NBEAL2: variants seen among roughly 807,000 people sequenced by gnomAD.
The protein encoded by NBEAL2 is neurobeachin like 2, also known as neurobeachin-like protein 2.
Under a neutral mutation model 299.8 loss-of-function variants are expected in NBEAL2, and 160 were observed. The observed-to-expected ratio is 0.53, with a 90% confidence interval of 0.47 to 0.61. The LOEUF is 0.61. Ranked by LOEUF, NBEAL2 falls within the 20% of genes least tolerant of loss-of-function variation. NBEAL2 has a pLI of 0.00. For missense variants in NBEAL2, 3,112 were observed against 3,649.0 expected, an observed-to-expected ratio of 0.85 and a Z score of 3.79; for synonymous variants, 1,493 against 1,542.3, an observed-to-expected ratio of 0.97 and a Z score of 0.75.
At position 46,998,504 on chromosome 3, in the gene NBEAL2, C is replaced by G. The variant is rs1559601815; in HGVS notation, c.3160C>G (p.Gln1054Glu). The change falls in exon 22 of 54, where the codon CAG becomes GAG. Residue 1054 changes from glutamine to glutamate, a missense_variant. Around this residue, in one of 3 missense-constraint regions of NBEAL2, gnomAD observed 2,243 missense variants for 2,538.1 expected, o/e 0.88. Coordinates refer to ENST00000450053, the MANE Select transcript of NBEAL2 (RefSeq NM_015175.3). ...GTCCAGCATAGTTCGGGAGCACAGACAGAAGCTGCGGAAGAAGTACGGCGT... is the reference window on the plus strand; with the variant it reads ...GTCCAGCATAGTTCGGGAGCACAGAGAGAAGCTGCGGAAGAAGTACGGCGT... ...YMSSIVREHR[Q>E]KLRKKYGVQF... is the part of the protein sequence containing the mutation. 4 of 1,613,362 alleles carry G rather than the reference C, an allele frequency of 2.5e-6. No individual in the cohort carries two copies. The highest frequency in any genetic ancestry group is 3.4e-6 in the Non-Finnish European group (4 of 1,179,788).
intron 40 of NBEAL2, 58 bp downstream of exon 40, chr3:47,005,379 C>A: frequency 6.3e-7 from 1 of 1,578,802 alleles, no homozygotes. Context: ...GAGGCTGGTC[C>A]TCCCCACATC....
At chr3:46,992,758 G>T (rs990429134) in intron 10 of NBEAL2, among the ~76,000 whole-genome samples, 3 of 152,210 alleles carry the variant, frequency 2.0e-5, no homozygotes, top group African/African-American at 7.2e-5. Context: ...CCCCTGCCTG[G>T]TGTTTGATTG....
rs1335032805 is a variant in NBEAL2 at position 47,009,019 on chromosome 3, G to A, written c.8058G>A (p.Met2686Ile). The change falls in exon 53 of 54, where the codon ATG (methionine) becomes ATA (isoleucine). Residue 2686 changes from methionine (M) to isoleucine (I), a missense_variant. Coordinates refer to ENST00000450053, the MANE Select transcript of NBEAL2 (RefSeq NM_015175.3). Reference protein sequence around the residue: ...TLLPAAPPLPMKVAIRSVAVT... With the variant: ...TLLPAAPPLPIKVAIRSVAVT... ...TCCCGGCCGCGCCTCCCTTGCCCAT[G>A]AAGGTGGCCATCCGCAGCGTGGCCG... 1 of 1,600,618 alleles carries A rather than the reference G, an allele frequency of 6.2e-7. No individual in the cohort carries two copies. The highest frequency in any genetic ancestry group is 8.5e-7 in the Non-Finnish European group (1 of 1,179,820).
chr3:46,988,125 A>T lies in NBEAL2; in HGVS notation c.52-544A>T. On this transcript the variant is annotated intron_variant, in intron 1 of 53. Transcript: ENST00000450053. This position sits in a 1 kb window ranked among gnomAD's most constrained non-coding sequence, Gnocchi z 4.4. ...GGTTCCCGGGGCAAGGCAGGGCCGC[A>T]CATGAGGATGTGCGCATGTCTGGGT... 1 of 1,139,570 alleles carries T rather than the reference A, an allele frequency of 8.8e-7. No individual in the cohort carries two copies. Among genetic ancestry groups the T allele is most frequent in the Non-Finnish European group, 1.1e-6 (1 of 897,994 alleles). 70.6% of individuals were successfully genotyped at this position (1,139,570 alleles called of 1,614,324 possible).
intron 6 of NBEAL2, among the ~76,000 whole-genome samples, chr3:46,990,396 C>T (rs548453632): frequency 2.6e-5 from 4 of 152,344 alleles, no homozygotes; most frequent in African/African-American, 7.2e-5. Flanking sequence ...AAATCCTACT[C>T]CTCCCACAGC....
chr3:46,999,951 G>A lies in NBEAL2; in HGVS notation c.3852G>A (p.Trp1284Ter). 6.2e-7 allele frequency: 1 copy of A among 1,611,658 alleles called. No homozygotes were observed. The change falls in exon 27 of 54, where the codon TGG (tryptophan) becomes TGA (stop). Residue 1284 changes from tryptophan (W) to a stop codon, truncating the protein, a stop_gained. Transcript: ENST00000450053. LOFTEE classifies it high-confidence loss of function. ...VVRLLARQAGWQDVLTRLYVL... is the reference protein window; with the variant it reads ...VVRLLARQAG Reference sequence around the variant, plus strand: ...GGCTTCTGGCCCGACAGGCTGGCTGGCAAGATGTGCTGACCCGGCTATATG... The same window carrying A: ...GGCTTCTGGCCCGACAGGCTGGCTGACAAGATGTGCTGACCCGGCTATATG...
In NBEAL2 at chr3:46,992,525, C is replaced by A; in HGVS notation, c.1083C>A (p.Thr361=). 6.2e-7 allele frequency: 1 copy of A among 1,603,382 alleles called. No individual in the cohort carries two copies. Among genetic ancestry groups the A allele is most frequent in the East Asian group, 2.3e-5 (1 of 44,362 alleles). ...CCGAGGGGGACAGTGACCTGGCTAC[C>A]CGGTTACTGACTGAGCCCGATGTCC... ...APPEGDSDLA[T]RLLTEPDVQK... Residue 361 remains threonine, a synonymous_variant, in exon 10 of 54, where the codon ACC becomes ACA. Transcript: ENST00000450053.
At chr3:46,992,235 G>A (rs2036151198) in intron 9 of NBEAL2, among the ~76,000 whole-genome samples, 2 of 152,278 alleles carry the variant, frequency 1.3e-5, no homozygotes, top group Non-Finnish European at 2.9e-5. Context: ...CCTTTCCGTG[G>A]CCCCAAGTAC....
In NBEAL2 at chr3:46,995,187, C is replaced by A; in HGVS notation, c.1452C>A (p.Ala484=). 6.4e-7 allele frequency: 1 copy of A among 1,560,380 alleles called. No individual in the cohort carries two copies. The highest frequency in any genetic ancestry group is 2.4e-5 in the East Asian group (1 of 41,528). Residue 484 remains alanine, a synonymous_variant, in exon 13 of 54, where the codon GCC becomes GCA. Coordinates refer to ENST00000450053, the MANE Select transcript of NBEAL2 (RefSeq NM_015175.3). ...GGTGGCTCTGTGACAGCTGCCCTGCCAGCCGTGCCACCTGTGTGCAGGCAG... is the reference window on the plus strand; with the variant it reads ...GGTGGCTCTGTGACAGCTGCCCTGCAAGCCGTGCCACCTGTGTGCAGGCAG... The part of the protein sequence containing the change: ...RLRWLCDSCP[A]SRATCVQAGL...
chr3:46,999,171 G>T (rs1267670536), intron 24 of NBEAL2, 54 bp downstream of exon 24: 53 of 1,545,872 alleles, frequency 3.4e-5, no homozygotes, highest in Non-Finnish European at 4.0e-5. Context: ...GCCCCTGCCT[G>T]GGGTTCAGGG....
rs1340462113 is a variant in NBEAL2 at position 47,009,524 on chromosome 3, G to GC, written c.*207dup. The GC allele has an allele frequency of 1.7e-6, 1 of 591,994 alleles. No individual in the cohort carries two copies. Among genetic ancestry groups the GC allele is most frequent in the Non-Finnish European group, 3.0e-6 (1 of 336,846 alleles). The allele number at this position is 591,994 out of a possible 1,614,324, so 36.7% of individuals were successfully genotyped here. On this transcript the variant is annotated 3_prime_UTR_variant, in exon 54 of 54. Coordinates refer to ENST00000450053, the MANE Select transcript of NBEAL2 (RefSeq NM_015175.3). ...CCCGCCCCTCGCCGGCTGAGGGGCC[G>GC]CCCTGAGGGCCAGCACTGGCGTCTG...
At chr3:46,984,309 C>CA (rs1257177506) in intron 1 of NBEAL2, among the ~76,000 whole-genome samples, 28 of 149,064 alleles carry the variant, frequency 1.9e-4, no homozygotes, top group South Asian at 6.4e-4. Context: ...GACTCCGTCT[C>CA]AAAAAAAAAC....
chr3:46,990,599 C>T (rs1476013293), intron 6 of NBEAL2, among the ~76,000 whole-genome samples: 1 of 152,228 alleles, frequency 6.6e-6, no homozygotes, highest in Non-Finnish European at 1.5e-5. Context: ...AGCCCCAGCC[C>T]TACTCTTCCT....
intron 6 of NBEAL2, among the ~76,000 whole-genome samples, chr3:46,990,090 A>G (rs2035979665): frequency 6.6e-6 from 1 of 151,708 alleles, no homozygotes; most frequent in South Asian, 2.1e-4. Context: ...CTCTCCTCTC[A>G]TTGGAGGGAG....
At position 47,002,096 on chromosome 3, in the gene NBEAL2, A is replaced by AGCTGCAGCAGCTGCAGAGC. The variant is rs1439834800; in HGVS notation, c.4965_4983dup (p.Trp1663SerfsTer21). On this transcript the variant is annotated frameshift_variant, in exon 31 of 54. Coordinates refer to ENST00000450053, the MANE Select transcript of NBEAL2 (RefSeq NM_015175.3). LOFTEE classifies it high-confidence loss of function. ...CAGGGTCCCCACTTGCAGCTGCAGCAGCTGCAGCAGCTGCAGAGCGCTGCT... is the reference window on the plus strand; with the variant it reads ...CAGGGTCCCCACTTGCAGCTGCAGCAGCTGCAGCAGCTGCAGAGCGCTGCAGCAGCTGCAGAGCGCTGCT... 2 of 1,550,760 alleles carry AGCTGCAGCAGCTGCAGAGC rather than the reference A, an allele frequency of 1.3e-6. No individual in the cohort carries two copies. Among genetic ancestry groups the AGCTGCAGCAGCTGCAGAGC allele is most frequent in the Non-Finnish European group, 1.7e-6 (2 of 1,146,982 alleles).
At chr3:47,005,713 C>G in intron 41 of NBEAL2, 25 bp from the exon 42 acceptor site, 1 of 1,612,570 alleles carries the variant, frequency 6.2e-7, no homozygotes, top group Non-Finnish European at 8.5e-7. Context: ...GACAGGGAGA[C>G]AGCTGACCCA....
At chr3:46,992,607 A>C in intron 10 of NBEAL2, 52 bp downstream of exon 10, 2 of 1,491,486 alleles carry the variant, frequency 1.3e-6, no homozygotes, top group Non-Finnish European at 1.8e-6. Context: ...TCCCTCTTTG[A>C]GCTTTTCCTG....
Position 47,002,080 on chromosome 3 carries a change from C to T in NBEAL2, c.4943C>T (p.Pro1648Leu), listed in dbSNP as rs1361963093. ...TCAGCCACTGATGAGGCAGGGTCCC[C>T]ACTTGCAGCTGCAGCAGCTGCAGCA... Reference protein sequence around the residue: ...LESATDEAGSPLAAAAAAAAA... With the variant: ...LESATDEAGSLLAAAAAAAAA... The change falls in exon 31 of 54, where the codon CCA (proline) becomes CTA (leucine). Residue 1648 changes from proline to leucine, a missense_variant. This residue lies in a region of NBEAL2 where 2,243 missense variants were observed against 2,538.1 expected (regional missense o/e 0.88). Transcript: ENST00000450053. 1 of 1,552,082 alleles carries T rather than the reference C, an allele frequency of 6.4e-7. No individual in the cohort carries two copies. Among genetic ancestry groups the T allele is most frequent in the Non-Finnish European group, 8.7e-7 (1 of 1,147,752 alleles).
chr3:47,002,617 G>A (rs766257907), intron 32 of NBEAL2, 28 bp from the exon 33 acceptor site: 1 of 1,607,872 alleles, frequency 6.2e-7, no homozygotes, highest in Non-Finnish European at 8.5e-7. Context: ...GCAGCAGCCA[G>A]GGGACTGACC....
Sources: allele counts gnomAD v4.1 joint callset (sites outside exome capture counted in the v4.1 genomes callset), GRCh38; gene constraint gnomAD v4.1.1; regional missense constraint gnomAD v4.1.1; non-coding constraint Gnocchi (gnomAD v3.1); transcripts MANE v1.5; gene names NCBI Gene and HGNC (gene_info 2026-07-23, HGNC 2026-07-21).